Variants in CCDC85A observed in about 807,000 individuals in gnomAD.
CCDC85A encodes the protein coiled-coil domain containing 85A.
CCDC85A carries 38 observed loss-of-function variants against 50.2 expected under a neutral mutation model. The ratio of observed to expected loss-of-function variants is 0.76; its 90% CI spans 0.58 to 0.99. The LOEUF (loss-of-function observed/expected upper bound fraction) is 0.99, where lower values mean the gene tolerates loss of function less well. Among genes scored for constraint, CCDC85A ranks in the 50% least tolerant of loss-of-function variants. CCDC85A has a pLI of 0.00. For missense variants in CCDC85A, 820 were observed against 742.0 expected, an observed-to-expected ratio of 1.11 and a Z score of -1.22; for synonymous variants, 366 against 301.4, an observed-to-expected ratio of 1.21 and a Z score of -2.22.
In CCDC85A at chr2:56,260,942, A is replaced by T. The variant is rs1418958668; in HGVS notation, c.1240+67502A>T. ...AGAACTTGCCTTCACAAAAAATAAT[A>T]ATTTTCAAAATACACATTGGCATTA... On this transcript the variant is annotated intron_variant, in intron 2 of 5. Transcript: ENST00000407595. Among the ~76,000 whole-genome samples, 4 of 152,324 alleles carry T rather than the reference A, an allele frequency of 2.6e-5. No homozygotes were observed. In the East Asian group the frequency reaches 7.7e-4, roughly 29 times the overall value.
intron 2 of CCDC85A, among the ~76,000 whole-genome samples, chr2:56,204,794 C>G (rs1178079329): frequency 1.3e-5 from 2 of 152,206 alleles, no homozygotes; most frequent in African/African-American, 4.8e-5. Flanking sequence ...TCTCTCTGCA[C>G]TCCTGTGCCT....
At chr2:56,365,973 T>C (rs1002810962) in intron 3 of CCDC85A, among the ~76,000 whole-genome samples, 3 of 152,190 alleles carry the variant, frequency 2.0e-5, no homozygotes, top group Non-Finnish European at 4.4e-5. Context: ...ATAAACTTTT[T>C]TTTTAAGATT....
At chr2:56,240,476 G>T (rs111454346) in intron 2 of CCDC85A, among the ~76,000 whole-genome samples, 1 of 151,896 alleles carries the variant, frequency 6.6e-6, no homozygotes, top group Non-Finnish European at 1.5e-5. Flanking sequence ...TTCATTTTTC[G>T]CTTCATTCTT....
At chr2:56,328,111 A>C (rs1673569011) in intron 2 of CCDC85A, among the ~76,000 whole-genome samples, 1 of 152,156 alleles carries the variant, frequency 6.6e-6, no homozygotes, top group South Asian at 2.1e-4. Context: ...ACACTCTGTC[A>C]CTGTGCATAA....
At chr2:56,340,988 AC>A (rs1427577336) in intron 2 of CCDC85A, among the ~76,000 whole-genome samples, 5 of 151,248 alleles carry the variant, frequency 3.3e-5, no homozygotes, top group African/African-American at 1.2e-4. Context: ...GCACTGTTTG[AC>A]CTTTTGACTT....
intron 2 of CCDC85A, among the ~76,000 whole-genome samples, chr2:56,197,334 A>G (rs1676566204): frequency 6.6e-6 from 1 of 152,160 alleles, no homozygotes; most frequent in South Asian, 2.1e-4. Flanking sequence ...AGTTGTGGTA[A>G]TAAAAAATGT....
In CCDC85A at chr2:56,385,001, G is replaced by C. The variant is rs993472374; in HGVS notation, c.*646G>C. 1 of 152,302 alleles carries C rather than the reference G, an allele frequency of 6.6e-6. No individual in the cohort carries two copies. The highest frequency in any genetic ancestry group is 1.5e-5 in the Non-Finnish European group (1 of 67,940). 9.4% of individuals were successfully genotyped at this position (152,302 alleles called of 1,614,324 possible). A position where few individuals can be genotyped will look rare whatever the true frequency, so the allele number is the denominator to read the frequency against. On this transcript the variant is annotated 3_prime_UTR_variant, in exon 6 of 6. Transcript: ENST00000407595. ...GCTAGAAGGGTAGCAAGACGTTGTAGAGTGCTTATCAGAGAGTACCATTTA... is the reference window on the plus strand; with the variant it reads ...GCTAGAAGGGTAGCAAGACGTTGTACAGTGCTTATCAGAGAGTACCATTTA...
At chr2:56,300,936 C>G (rs940311838) in intron 2 of CCDC85A, among the ~76,000 whole-genome samples, 2 of 152,180 alleles carry the variant, frequency 1.3e-5, no homozygotes, top group African/African-American at 4.8e-5. Flanking sequence ...CAAACACAAA[C>G]TCCGAAGTTT....
chr2:56,272,947 A>G (rs1045861094), intron 2 of CCDC85A, among the ~76,000 whole-genome samples: 2 of 152,188 alleles, frequency 1.3e-5, no homozygotes, highest in Non-Finnish European at 2.9e-5. Context: ...TGGAAAAAGA[A>G]AAAGAGAGAG....
At chr2:56,233,736 A>G (rs989599685) in intron 2 of CCDC85A, among the ~76,000 whole-genome samples, 4 of 152,182 alleles carry the variant, frequency 2.6e-5, no homozygotes, top group African/African-American at 9.6e-5. Context: ...CTCATGTTAT[A>G]TTAGTAAATC....
intron 2 of CCDC85A, among the ~76,000 whole-genome samples, chr2:56,303,736 A>G (rs141491902): frequency 7.9e-5 from 12 of 152,296 alleles, no homozygotes; most frequent in African/African-American, 2.4e-4. Context: ...GAAAATTACC[A>G]TATCCTTAAA....
At chr2:56,242,657 A>G (rs1029936277) in intron 2 of CCDC85A, among the ~76,000 whole-genome samples, 3 of 152,162 alleles carry the variant, frequency 2.0e-5, no homozygotes, top group African/African-American at 7.2e-5. Flanking sequence ...AGTGGGGACA[A>G]ATATCCAAAC....
chr2:56,238,520 T>C (rs371720739), intron 2 of CCDC85A, among the ~76,000 whole-genome samples: 4 of 152,182 alleles, frequency 2.6e-5, no homozygotes, highest in African/African-American at 9.7e-5. Context: ...CTATGACTTA[T>C]TCCTGTCACA....
intron 2 of CCDC85A, among the ~76,000 whole-genome samples, chr2:56,327,506 C>G (rs1673536107): frequency 6.6e-6 from 1 of 152,104 alleles, no homozygotes; most frequent in Admixed American, 6.6e-5. Flanking sequence ...TAGAATCACT[C>G]CTAAAGATTT....
At chr2:56,188,639 AT>A (rs1303924371) in intron 1 of CCDC85A, among the ~76,000 whole-genome samples, 1 of 152,238 alleles carries the variant, frequency 6.6e-6, no homozygotes, top group Non-Finnish European at 1.5e-5. Flanking sequence ...TTTCTTTGTT[AT>A]TGTTTTCTCC....
chr2:56,326,785 T>C (rs1673494161), intron 2 of CCDC85A, among the ~76,000 whole-genome samples: 1 of 152,168 alleles, frequency 6.6e-6, no homozygotes, highest in Non-Finnish European at 1.5e-5. Flanking sequence ...ATTCAATAAT[T>C]TGTTCTTACT....
intron 2 of CCDC85A, among the ~76,000 whole-genome samples, chr2:56,210,944 G>A (rs528615232): frequency 1.1e-3 from 174 of 152,200 alleles, no homozygotes; most frequent in Admixed American, 1.9e-3. Flanking sequence ...AAGTGACAAG[G>A]AGTTGCAACT....
chr2:56,340,222 C>T (rs890015107), intron 2 of CCDC85A, among the ~76,000 whole-genome samples: 5 of 152,132 alleles, frequency 3.3e-5, no homozygotes, highest in African/African-American at 1.2e-4. Flanking sequence ...TAGCTCATTG[C>T]TTTAGAGGTC....
chr2:56,245,954 TCTGTTATAGCAG>T (rs1418191639), intron 2 of CCDC85A, among the ~76,000 whole-genome samples: 12 of 152,202 alleles, frequency 7.9e-5, no homozygotes. Context: ...TCTCAGGTAT[TCTGTTATAGCAG>T]CTGAAAACGT....
Sources: allele counts gnomAD v4.1 joint callset (sites outside exome capture counted in the v4.1 genomes callset), GRCh38; gene constraint gnomAD v4.1.1; transcripts MANE v1.5; gene names NCBI Gene and HGNC (gene_info 2026-07-23, HGNC 2026-07-21).